The following BAIAP2L1 variants were observed in gnomAD, a reference collection of about 807,000 sequenced individuals.
The protein encoded by BAIAP2L1 is BAR/IMD domain containing adaptor protein 2 like 1.
A neutral mutation model predicts 66.3 loss-of-function variants in BAIAP2L1; 35 were observed. That is an observed-to-expected ratio of 0.53 (90% CI 0.40 to 0.70). The LOEUF (loss-of-function observed/expected upper bound fraction) is 0.70. Among genes scored for constraint, BAIAP2L1 ranks in the 30% least tolerant of loss-of-function variants. The pLI, the probability that BAIAP2L1 is intolerant of heterozygous loss-of-function variation, is 0.00. For missense variants in BAIAP2L1, 622 were observed against 656.9 expected, an observed-to-expected ratio of 0.95 and a Z score of 0.58; for synonymous variants, 269 against 248.7, an observed-to-expected ratio of 1.08 and a Z score of -0.77.
chr7:98,301,494 T>TATATA (rs1562964491), intron 12 of BAIAP2L1, among the ~76,000 whole-genome samples: 6 of 149,354 alleles, frequency 4.0e-5, no homozygotes, highest in Non-Finnish European at 7.4e-5. Context: ...TATATATATA[T>TATATA]TTTAAGTGGA....
intron 1 of BAIAP2L1, among the ~76,000 whole-genome samples, chr7:98,377,267 C>T (rs1246963223): frequency 6.6e-6 from 1 of 152,128 alleles, no homozygotes; most frequent in Non-Finnish European, 1.5e-5. Context: ...CTAATGACGA[C>T]GACGTGGTAG....
At chr7:98,348,569 C>CAAAA (rs752966671) in intron 3 of BAIAP2L1, among the ~76,000 whole-genome samples, 43 of 109,372 alleles carry the variant, frequency 3.9e-4, no homozygotes, top group Non-Finnish European at 4.4e-4. Context: ...TCTGCCTCCA[C>CAAAA]AAAAAAAAAA....
rs79076821 is a variant in BAIAP2L1, at chr7:98,383,875, C to A, written c.51+16927G>T. 8.5e-3 allele frequency among the ~76,000 whole-genome samples: 1,290 copies of A among 152,162 alleles called. 19 individuals carry two copies. Among genetic ancestry groups the A allele is most frequent in the African/African-American group, 0.03 (1,226 of 41,520 alleles). On this transcript the variant is annotated intron_variant, in intron 1 of 13. Coordinates refer to ENST00000005260, the MANE Select transcript of BAIAP2L1 (RefSeq NM_018842.5). ...GATGAATGAAGAAAGAGCTCCAGGC[C>A]GGGTGTGGTGGCTCACGCCTGTAAT...
At chr7:98,311,095 T>C (rs949538183) in intron 8 of BAIAP2L1, among the ~76,000 whole-genome samples, 1 of 152,212 alleles carries the variant, frequency 6.6e-6, no homozygotes, top group African/African-American at 2.4e-5. Context: ...AAACTACAAA[T>C]GTGTGAATTC....
intron 3 of BAIAP2L1, among the ~76,000 whole-genome samples, chr7:98,330,918 C>T (rs113351824): frequency 9.2e-5 from 14 of 152,234 alleles, no homozygotes; most frequent in South Asian, 4.1e-4. Flanking sequence ...AAGCCTTTCA[C>T]GAGGAATCTG....
chr7:98,320,325 G>A (rs377221863), intron 3 of BAIAP2L1, 27 bp from the exon 4 acceptor site: 148 of 1,531,934 alleles, frequency 9.7e-5, no homozygotes, highest in Middle Eastern at 3.5e-4. Context: ...ATATGTTAGC[G>A]GGAAGCCATT....
intron 1 of BAIAP2L1, among the ~76,000 whole-genome samples, chr7:98,396,764 A>G (rs749641282): frequency 6.6e-6 from 1 of 152,156 alleles, no homozygotes; most frequent in Admixed American, 6.6e-5. Flanking sequence ...CTCCAGCCTG[A>G]GCAACAAAGC....
At chr7:98,302,887 C>T (rs1035657310) in intron 12 of BAIAP2L1, among the ~76,000 whole-genome samples, 1 of 152,128 alleles carries the variant, frequency 6.6e-6, no homozygotes, top group Non-Finnish European at 1.5e-5. Context: ...TGGGTTCAGG[C>T]TATCCTCCCA....
chr7:98,380,908 T>A (rs1300361565), intron 1 of BAIAP2L1, among the ~76,000 whole-genome samples: 1 of 151,268 alleles, frequency 6.6e-6, no homozygotes, highest in African/African-American at 2.4e-5. Flanking sequence ...CACAAAGATG[T>A]GTATGCCTTT....
intron 1 of BAIAP2L1, among the ~76,000 whole-genome samples, chr7:98,392,400 C>A (rs1167432429): frequency 6.6e-6 from 1 of 152,078 alleles, no homozygotes; most frequent in African/African-American, 2.4e-5. Context: ...CACTCTCACA[C>A]CATGCAGACA....
In BAIAP2L1 at chr7:98,292,612, T is replaced by C; in HGVS notation, c.*909A>G. The C allele has an allele frequency of 1.9e-6, 3 of 1,551,058 alleles. No homozygotes were observed. The highest frequency in any genetic ancestry group is 2.6e-6 in the Non-Finnish European group (3 of 1,146,426). On this transcript the variant is annotated 3_prime_UTR_variant, in exon 14 of 14. Transcript: ENST00000005260. The stretch of plus-strand genomic sequence containing the variant: ...CAGGTTCCGAGGGCATCATGGCTGC[T>C]AGGCTGAAAAACCCGCCCTTCTCCA...
In BAIAP2L1 at chr7:98,312,086, C is replaced by A; in HGVS notation, c.807+11G>T. The A allele has an allele frequency of 6.3e-7, 1 of 1,578,172 alleles. No individual in the cohort carries two copies. On this transcript the variant is annotated intron_variant, in intron 8 of 13. Coordinates refer to ENST00000005260, the MANE Select transcript of BAIAP2L1 (RefSeq NM_018842.5). ...CACGATTGAAATCTGGAAGAGAAAA[C>A]TGGCTCCTACCACATTGCTTCTCTC...
intron 3 of BAIAP2L1, among the ~76,000 whole-genome samples, chr7:98,338,229 G>A (rs565074966): frequency 6.6e-6 from 1 of 151,976 alleles, no homozygotes; most frequent in Non-Finnish European, 1.5e-5. Context: ...TCAGGAGATC[G>A]AGACCACGGT....
intron 1 of BAIAP2L1, chr7:98,386,043 T>C (rs1584503855): frequency 7.0e-7 from 1 of 1,437,708 alleles, no homozygotes; most frequent in Non-Finnish European, 9.7e-7. Context: ...TGACCACTTC[T>C]TTCAAGTCAT....
chr7:98,357,049 ATTTTTTTTTTTT>A (rs750965128), intron 2 of BAIAP2L1, among the ~76,000 whole-genome samples: 3 of 12,616 alleles, frequency 2.4e-4, no homozygotes, highest in African/African-American at 8.4e-4. Flanking sequence ...ATATATATAT[ATTTTTTTTTTTT>A]TTTTTTTAAG....
At position 98,304,567 on chromosome 7, in the gene BAIAP2L1, C is replaced by T. The variant is rs190392259; in HGVS notation, c.1242-191G>A. Among the ~76,000 whole-genome samples the T allele has an allele frequency of 6.0e-4, 91 of 152,102 alleles. 3 individuals carry two copies. The East Asian group carries it at 0.015, about 24-fold the overall frequency. On this transcript the variant is annotated intron_variant, in intron 11 of 13. Transcript: ENST00000005260. ...ACACTGTATTTTTTAAATTTTTTTG[C>T]GACAGAGTCTCACTCTGTCACCCAG...
In BAIAP2L1 at chr7:98,292,490, A is replaced by G. The variant is rs868143870; in HGVS notation, c.*1031T>C. 4 of 745,486 alleles carry G rather than the reference A, an allele frequency of 5.4e-6. 1 individual carries two copies. The Middle Eastern group carries it at 1.5e-3, about 281-fold the overall frequency. 46.2% of individuals were successfully genotyped at this position (745,486 alleles called of 1,614,324 possible). A position where few individuals can be genotyped will look rare whatever the true frequency, so the allele number is the denominator to read the frequency against. ...CTGGGAATTTTAACCATGACTCTCC[A>G]CTCCAAAATAGGTCCAGATCCTTGG... On this transcript the variant is annotated 3_prime_UTR_variant, in exon 14 of 14. Coordinates refer to ENST00000005260, the MANE Select transcript of BAIAP2L1 (RefSeq NM_018842.5).
intron 3 of BAIAP2L1, among the ~76,000 whole-genome samples, chr7:98,321,307 G>A (rs967830231): frequency 2.0e-5 from 3 of 152,162 alleles, no homozygotes; most frequent in Non-Finnish European, 4.4e-5. Context: ...CGAATCCCCA[G>A]AGTAATCTGA....
chr7:98,351,630 AATGAGT>A (rs879558953), intron 3 of BAIAP2L1, among the ~76,000 whole-genome samples: 11 of 152,122 alleles, frequency 7.2e-5, no homozygotes, highest in Non-Finnish European at 1.3e-4. Context: ...ACCATGAGGA[AATGAGT>A]ATGAGGATGA....
Sources: allele counts gnomAD v4.1 joint callset (sites outside exome capture counted in the v4.1 genomes callset), GRCh38; gene constraint gnomAD v4.1.1; transcripts MANE v1.5; gene names NCBI Gene and HGNC (gene_info 2026-07-23, HGNC 2026-07-21).